The following RPS26 variants were observed in gnomAD, a reference collection of about 807,000 sequenced individuals.
RPS26 encodes the protein small ribosomal subunit protein eS26.
In RPS26, 1 loss-of-function variant was observed where a neutral mutation model predicts 14.7. The observed-to-expected ratio is 0.07, with a 90% confidence interval of 0.02 to 0.32. The LOEUF (loss-of-function observed/expected upper bound fraction) is 0.32. Ranked by LOEUF, RPS26 falls within the 10% of genes least tolerant of loss-of-function variation. The pLI, the probability that RPS26 is intolerant of heterozygous loss-of-function variation, is 1.00. For synonymous variants in RPS26, 59 were observed against 53.1 expected (o/e 1.11, Z -0.48); for missense variants, 63 against 157.7 (o/e 0.40, Z 3.22).
intron 2 of RPS26, 27 bp downstream of exon 2, chr12:56,042,629 G>A (rs766044690): frequency 1.3e-6 from 2 of 1,587,808 alleles, no homozygotes; most frequent in Non-Finnish European, 1.7e-6. Context: ...CGCGAACTGT[G>A]TGAGGATCCC....
rs1895938176 is a variant in RPS26 at position 56,044,487 on chromosome 12, G to C, written c.*333G>C. ...GCTTCTTGAGTAGCTGGGATTACAGGTGTCTGCCACCATGCCTGGTTAATT... is the reference window on the plus strand; with the variant it reads ...GCTTCTTGAGTAGCTGGGATTACAGCTGTCTGCCACCATGCCTGGTTAATT... On this transcript the variant is annotated 3_prime_UTR_variant, in exon 4 of 4. Coordinates refer to ENST00000646449, the MANE Select transcript of RPS26 (RefSeq NM_001029.5). 1.4e-5 allele frequency: 4 copies of C among 293,368 alleles called. No homozygotes were observed. Among genetic ancestry groups the C allele is most frequent in the Non-Finnish European group, 2.6e-5 (4 of 155,530 alleles). 18.2% of individuals were successfully genotyped at this position (293,368 alleles called of 1,614,324 possible).
intron 3 of RPS26, 117 bp from the exon 4 acceptor site, chr12:56,044,002 C>T (rs1389131502): frequency 2.3e-6 from 2 of 884,932 alleles, no homozygotes; most frequent in African/African-American, 3.3e-5. Context: ...ATCAGCTTCC[C>T]ATGCATTTGT....
Position 56,044,300 on chromosome 12 carries a change from T to C in RPS26, c.*146T>C. ...AGACCAAGTGTGAAGTGACACACAT[T>C]ATTTTCATGGGGAAGAAAGCTTATT... On this transcript the variant is annotated 3_prime_UTR_variant, in exon 4 of 4. Coordinates refer to ENST00000646449, the MANE Select transcript of RPS26 (RefSeq NM_001029.5). The C allele has an allele frequency of 1.5e-6, 1 of 653,692 alleles. No homozygotes were observed. The allele number at this position is 653,692 out of a possible 1,614,324, so 40.5% of individuals were successfully genotyped here. A position where few individuals can be genotyped will look rare whatever the true frequency, so the allele number is the denominator to read the frequency against.
chr12:56,043,445 T>G lies in RPS26; in HGVS notation c.264T>G (p.Ser88=). 6.2e-7 allele frequency: 1 copy of G among 1,613,432 alleles called. No individual in the cohort carries two copies. Among genetic ancestry groups the G allele is most frequent in the Non-Finnish European group, 8.5e-7 (1 of 1,179,780 alleles). Residue 88 remains serine (S), a synonymous_variant, in exon 3 of 4, where the codon TCT becomes TCG. Transcript: ENST00000646449. Reference sequence around the variant, plus strand: ...ACAGCAAAGTAGTCAGGAATCGATCTCGTGAAGCCCGCAAGGACCGAACAC... The same window carrying G: ...ACAGCAAAGTAGTCAGGAATCGATCGCGTGAAGCCCGCAAGGACCGAACAC... ...AIHSKVVRNR[S]REARKDRTPP...
chr12:56,042,707 T>C, intron 2 of RPS26, 105 bp downstream of exon 2: 1 of 911,044 alleles, frequency 1.1e-6, no homozygotes, highest in Non-Finnish European at 1.8e-6. Flanking sequence ...TCTCAGGCAA[T>C]TTCCACGTAT....
In RPS26 at chr12:56,042,176, C is replaced by T. The variant is rs115750993; in HGVS notation, c.3+7C>T. ...GGTCCGTGCCTCCAAGATGGTGAGT[C>T]TTCTTGCGTGGTGAGGGTGGGGGTT... On this transcript the variant is annotated splice_region_variant and intron_variant, in intron 1 of 3. Coordinates refer to ENST00000646449, the MANE Select transcript of RPS26 (RefSeq NM_001029.5). The T allele has an allele frequency of 4.0e-5, 64 of 1,614,070 alleles. No individual in the cohort carries two copies. The Middle Eastern group carries it at 4.9e-4, about 12-fold the overall frequency.
chr12:56,042,668 C>A, intron 2 of RPS26, 66 bp downstream of exon 2: 1 of 1,401,638 alleles, frequency 7.1e-7, no homozygotes, highest in Non-Finnish European at 1.0e-6. Flanking sequence ...CCCAACTTCG[C>A]CCTTTTGGAG....
In RPS26 at chr12:56,044,365, T is replaced by TTTTTTG. The variant is rs59385427; in HGVS notation, c.*211_*212insTTTTTG. The TTTTTTG allele has an allele frequency of 6.2e-5, 22 of 357,382 alleles. No homozygotes were observed. Among genetic ancestry groups the TTTTTTG allele is most frequent in the African/African-American group, 4.3e-4 (16 of 36,828 alleles). 22.1% of individuals were successfully genotyped at this position (357,382 alleles called of 1,614,324 possible). A position where few individuals can be genotyped will look rare whatever the true frequency, so the allele number is the denominator to read the frequency against. On this transcript the variant is annotated 3_prime_UTR_variant, in exon 4 of 4. Transcript: ENST00000646449. The stretch of plus-strand genomic sequence containing the variant: ...TTTTTCTTTTTTTTTTTTTTTTTTT[T>TTTTTTG]GAGACGGAGTCTTTGTCGCCCAAGC...
At chr12:56,043,585 C>T (rs1054939027) in intron 3 of RPS26, 92 bp downstream of exon 3, 6 of 1,298,762 alleles carry the variant, frequency 4.6e-6, no homozygotes, top group Non-Finnish European at 6.6e-6. Flanking sequence ...GTAACCTCAA[C>T]ACTTTGGGAG....
chr12:56,042,271 A>G (rs1895897275), intron 1 of RPS26, 102 bp downstream of exon 1: 7 of 1,544,274 alleles, frequency 4.5e-6, no homozygotes, highest in Non-Finnish European at 4.5e-6. Flanking sequence ...CCGAGTGTAC[A>G]TTTCATTTGC....
At position 56,044,291 on chromosome 12, in the gene RPS26, G is replaced by T; in HGVS notation, c.*137G>T. 1 of 661,798 alleles carries T rather than the reference G, an allele frequency of 1.5e-6. No homozygotes were observed. The highest frequency in any genetic ancestry group is 1.6e-5 in the South Asian group (1 of 60,908). 41.0% of individuals were successfully genotyped at this position (661,798 alleles called of 1,614,324 possible). A position where few individuals can be genotyped will look rare whatever the true frequency, so the allele number is the denominator to read the frequency against. On this transcript the variant is annotated 3_prime_UTR_variant, in exon 4 of 4. Transcript: ENST00000646449. ...TTGTGTGTTAGACCAAGTGTGAAGTGACACACATTATTTTCATGGGGAAGA... is the reference window on the plus strand; with the variant it reads ...TTGTGTGTTAGACCAAGTGTGAAGTTACACACATTATTTTCATGGGGAAGA...
rs199917474 is a variant in RPS26 at position 56,042,182 on chromosome 12, G to A, written c.3+13G>A. 5.0e-6 allele frequency: 8 copies of A among 1,614,088 alleles called. No individual in the cohort carries two copies. In the East Asian group the frequency reaches 6.7e-5, roughly 13 times the overall value. ...TGCCTCCAAGATGGTGAGTCTTCTT[G>A]CGTGGTGAGGGTGGGGGTTCGGGTG... is the stretch of plus-strand genomic sequence containing the variant. On this transcript the variant is annotated intron_variant, in intron 1 of 3. Coordinates refer to ENST00000646449, the MANE Select transcript of RPS26 (RefSeq NM_001029.5).
Position 56,043,382 on chromosome 12 carries a change from G to A in RPS26, c.201G>A (p.Leu67=), listed in dbSNP as rs1371451613. The A allele has an allele frequency of 7.4e-6, 12 of 1,611,780 alleles. No individual in the cohort carries two copies. Among genetic ancestry groups the A allele is most frequent in the Non-Finnish European group, 9.3e-6 (11 of 1,179,414 alleles). Reference sequence around the variant, plus strand: ...CCTTAGCCTATGTGCTTCCCAAGCTGTATGTGAAGCTACATTACTGTGTGA... The same window carrying A: ...CCTTAGCCTATGTGCTTCCCAAGCTATATGTGAAGCTACATTACTGTGTGA... ...SVFDAYVLPK[L]YVKLHYCVSC... The change falls in exon 3 of 4, where the codon CTG becomes CTA. Residue 67 remains leucine (L), a synonymous_variant. Transcript: ENST00000646449.
rs777556972 is a variant in RPS26 at position 56,043,509 on chromosome 12, G to C, written c.312+16G>C. On this transcript the variant is annotated intron_variant, in intron 3 of 3. Transcript: ENST00000646449. ...TAGACCTGCGGTGAGTATTTTAAAAGGAGAATGGAAGCCAGGGGAGTGATG... is the reference window on the plus strand; with the variant it reads ...TAGACCTGCGGTGAGTATTTTAAAACGAGAATGGAAGCCAGGGGAGTGATG... 6.2e-7 allele frequency: 1 copy of C among 1,613,742 alleles called. No homozygotes were observed. Among genetic ancestry groups the C allele is most frequent in the African/African-American group, 1.3e-5 (1 of 75,004 alleles).
Position 56,042,613 on chromosome 12 carries a change from C to A in RPS26, c.181+11C>A. On this transcript the variant is annotated intron_variant, in intron 2 of 3. Coordinates refer to ENST00000646449, the MANE Select transcript of RPS26 (RefSeq NM_001029.5). ...CGAGCGTCTTCGATGGTAAGTGGGT[C>A]ACCGGCGCGAACTGTGTGAGGATCC... 6.3e-7 allele frequency: 1 copy of A among 1,597,016 alleles called. No individual in the cohort carries two copies. The highest frequency in any genetic ancestry group is 8.5e-7 in the Non-Finnish European group (1 of 1,178,452).
At chr12:56,042,993 G>C in intron 2 of RPS26, 1 of 403,720 alleles carries the variant, frequency 2.5e-6, no homozygotes, top group Non-Finnish European at 4.6e-6. Context: ...GATGATGTTT[G>C]GAGCAATAAG....
chr12:56,043,555 G>A, intron 3 of RPS26, 62 bp downstream of exon 3: 1 of 1,566,968 alleles, frequency 6.4e-7, no homozygotes, highest in South Asian at 1.1e-5. Context: ...CATCCTGGAG[G>A]GTCAGGGTGT....
In RPS26 at chr12:56,044,353, T is replaced by C. The variant is rs1895935174; in HGVS notation, c.*199T>C. On this transcript the variant is annotated 3_prime_UTR_variant, in exon 4 of 4. Coordinates refer to ENST00000646449, the MANE Select transcript of RPS26 (RefSeq NM_001029.5). ...TGTAATTTAATTTTTTTCTTTTTTTTTTTTTTTTTTTTGAGACGGAGTCTT... is the reference window on the plus strand; with the variant it reads ...TGTAATTTAATTTTTTTCTTTTTTTCTTTTTTTTTTTTGAGACGGAGTCTT... 4.9e-6 allele frequency: 2 copies of C among 408,512 alleles called. No individual in the cohort carries two copies. Among genetic ancestry groups the C allele is most frequent in the Non-Finnish European group, 4.2e-6 (1 of 238,516 alleles). The allele number at this position is 408,512 out of a possible 1,614,324, so 25.3% of individuals were successfully genotyped here. A position where few individuals can be genotyped will look rare whatever the true frequency, so the allele number is the denominator to read the frequency against.
In RPS26 at chr12:56,044,530, G is replaced by C; in HGVS notation, c.*376G>C. On this transcript the variant is annotated 3_prime_UTR_variant, in exon 4 of 4. Coordinates refer to ENST00000646449, the MANE Select transcript of RPS26 (RefSeq NM_001029.5). ...GGTTAATTTTTGTATTTTTGGTAGAGATGGGGTTTCACTATGTTGTCCAGG... is the reference window on the plus strand; with the variant it reads ...GGTTAATTTTTGTATTTTTGGTAGACATGGGGTTTCACTATGTTGTCCAGG... 1 of 243,582 alleles carries C rather than the reference G, an allele frequency of 4.1e-6. No individual in the cohort carries two copies. The highest frequency in any genetic ancestry group is 8.0e-6 in the Non-Finnish European group (1 of 124,448). 15.1% of individuals were successfully genotyped at this position (243,582 alleles called of 1,614,324 possible). A position where few individuals can be genotyped will look rare whatever the true frequency, so the allele number is the denominator to read the frequency against.
Sources: gnomAD v4.1 joint callset for allele counts on GRCh38, gnomAD v4.1.1 for gene constraint, MANE v1.5 for transcripts, NCBI Gene and HGNC (gene_info 2026-07-23, HGNC 2026-07-21) for gene names.